The following ACAN variants were observed in gnomAD, a reference collection of about 807,000 sequenced individuals.
The protein encoded by ACAN is aggrecan.
Under a neutral mutation model 169.1 loss-of-function variants are expected in ACAN, and 47 were observed. That is an observed-to-expected ratio of 0.28 (90% CI 0.22 to 0.35). ACAN has a LOEUF of 0.35. Ranked by LOEUF, ACAN falls within the 10% of genes least tolerant of loss-of-function variation. The pLI is 1.00. For synonymous variants in ACAN, 1,115 were observed against 1,112.2 expected (o/e 1.00, Z -0.05); for missense variants, 2,716 against 2,759.9 (o/e 0.98, Z 0.36).
At chr15:88,815,036 A>G (rs1014521374) in intron 1 of ACAN, among the ~76,000 whole-genome samples, 12 of 152,156 alleles carry the variant, frequency 7.9e-5, no homozygotes, top group African/African-American at 2.9e-4. Context: ...CCCAGAAAAA[A>G]AAAAAAAAAG....
chr15:88,836,110 A>C, intron 1 of ACAN, 90 bp from the exon 2 acceptor site: 1 of 892,236 alleles, frequency 1.1e-6, no homozygotes, highest in Non-Finnish European at 1.8e-6. Flanking sequence ...TGGGTGTGGA[A>C]TTATCACTTT....
At chr15:88,821,357 G>A (rs891465619) in intron 1 of ACAN, among the ~76,000 whole-genome samples, 1 of 152,126 alleles carries the variant, frequency 6.6e-6, no homozygotes, top group Non-Finnish European at 1.5e-5. Context: ...GTCTCCCTAA[G>A]TTGTCGGGGA....
Position 88,838,576 on chromosome 15 carries a change from T to C in ACAN, c.71-87T>C, listed in dbSNP as rs1596130444. 2 of 1,426,964 alleles carry C rather than the reference T, an allele frequency of 1.4e-6. No homozygotes were observed. The highest frequency in any genetic ancestry group is 4.6e-5 in the East Asian group (2 of 43,546). 88.4% of individuals were successfully genotyped at this position (1,426,964 alleles called of 1,614,324 possible). A position where few individuals can be genotyped will look rare whatever the true frequency, so the allele number is the denominator to read the frequency against. ...ATCGGATTTCGCTCTCTCAGGAGAG[T>C]GCATTGCTGGAAGGATGGATGGGGA... On this transcript the variant is annotated intron_variant, in intron 2 of 18. Transcript: ENST00000560601. The surrounding 1 kb of genome is among the most constrained non-coding windows in gnomAD (Gnocchi z 5.1).
rs1421590411 is a variant in ACAN, at chr15:88,858,398, A to T, written c.5813A>T (p.Asp1938Val). 2 of 1,613,762 alleles carry T rather than the reference A, an allele frequency of 1.2e-6. No homozygotes were observed. The highest frequency in any genetic ancestry group is 1.7e-6 in the Non-Finnish European group (2 of 1,179,872). The change falls in exon 12 of 19, where the codon GAC becomes GTC. Residue 1938 changes from aspartate to valine, a missense_variant. Asp to Val is a radical substitution (Grantham distance 152). This residue lies in a region of ACAN where 1,389 missense variants were observed against 1,363.7 expected (regional missense o/e 1.02). Transcript: ENST00000560601. This position sits in a 1 kb window ranked among gnomAD's most constrained non-coding sequence, Gnocchi z 4.0. ...PSSFPTVSLVDRTLVESVTQA... is the reference protein window; with the variant it reads ...PSSFPTVSLVVRTLVESVTQA... ...AGTTTCCCCACTGTCTCTCTTGTAG[A>T]CAGAACTTTGGTGGAATCTGTAACC...
rs896720166 is a variant in ACAN, at chr15:88,849,069, G to A, written c.1733-369G>A. On this transcript the variant is annotated intron_variant, in intron 9 of 18. Transcript: ENST00000560601. The surrounding 1 kb of genome is among the most constrained non-coding windows in gnomAD (Gnocchi z 5.1). ...TAGGGGTGCAAAGGGATTGGAGGGG[G>A]CCCAGGCGAGCTGCCTCGCTTAGCC... Among the ~76,000 whole-genome samples the A allele has an allele frequency of 2.0e-5, 3 of 152,328 alleles. No homozygotes were observed. The South Asian group carries it at 6.2e-4, about 32-fold the overall frequency.
rs1457280159 is a variant in ACAN, at chr15:88,857,597, C to G, written c.5012C>G (p.Thr1671Arg). ...GATTCTACATTGGTGGAAGTGGTCA[C>G]AGCCTCCACTGCAAGTGAACTGGAA... is the stretch of plus-strand genomic sequence containing the variant. ...LVDSTLVEVV[T>R]ASTASELEGR... Residue 1671 changes from threonine (T) to arginine (R), a missense_variant, in exon 12 of 19, where the codon ACA becomes AGA. Physicochemically the swap from Thr to Arg is moderately conservative, Grantham distance 71. Around this residue, in one of 3 missense-constraint regions of ACAN, gnomAD observed 1,389 missense variants for 1,363.7 expected, o/e 1.02. Transcript: ENST00000560601. The G allele has an allele frequency of 2.5e-6, 4 of 1,613,934 alleles. No homozygotes were observed. Among genetic ancestry groups the G allele is most frequent in the Non-Finnish European group, 3.4e-6 (4 of 1,179,900 alleles).
intron 8 of ACAN, 81 bp downstream of exon 8, chr15:88,847,498 C>A (rs1896825280): frequency 7.1e-7 from 1 of 1,411,088 alleles, no homozygotes; most frequent in Non-Finnish European, 9.4e-7. Flanking sequence ...CCGCCCCCAG[C>A]ACACTGAGCA....
Position 88,814,890 on chromosome 15 carries a change from C to G in ACAN, c.-8+11081C>G, listed in dbSNP as rs1224641076. On this transcript the variant is annotated intron_variant, in intron 1 of 18. Coordinates refer to ENST00000560601, the MANE Select transcript of ACAN (RefSeq NM_001369268.1). This position sits in a 1 kb window ranked among gnomAD's most constrained non-coding sequence, Gnocchi z 4.0. Reference sequence around the variant, plus strand: ...GAACTCTGCCTCCATCCCCTGTCCTCCTCTCCTGGGACTAGGGAGTGGGGA... The same window carrying G: ...GAACTCTGCCTCCATCCCCTGTCCTGCTCTCCTGGGACTAGGGAGTGGGGA... Among the ~76,000 whole-genome samples, 1 of 152,148 alleles carries G rather than the reference C, an allele frequency of 6.6e-6. No homozygotes were observed. Among genetic ancestry groups the G allele is most frequent in the African/African-American group, 2.4e-5 (1 of 41,416 alleles).
At chr15:88,823,218 A>C (rs1252408941) in intron 1 of ACAN, among the ~76,000 whole-genome samples, 1 of 152,218 alleles carries the variant, frequency 6.6e-6, no homozygotes, top group African/African-American at 2.4e-5. Context: ...TCTTGGCCCA[A>C]GATCCCTGCC....
At chr15:88,811,342 C>G (rs974897796) in intron 1 of ACAN, among the ~76,000 whole-genome samples, 2 of 152,158 alleles carry the variant, frequency 1.3e-5, no homozygotes, top group Admixed American at 6.5e-5. Context: ...AATCTAGGCA[C>G]GGGCCCAGGT....
At position 88,839,493 on chromosome 15, in the gene ACAN, C is replaced by G. The variant is rs1896594133; in HGVS notation, c.454+447C>G. On this transcript the variant is annotated intron_variant, in intron 3 of 18. Coordinates refer to ENST00000560601, the MANE Select transcript of ACAN (RefSeq NM_001369268.1). The surrounding 1 kb of genome is among the most constrained non-coding windows in gnomAD (Gnocchi z 4.5). The stretch of plus-strand genomic sequence containing the variant: ...GGGCTGAAGACTCCCTGGTCTCTTT[C>G]TCTCCATGGCCCAAGGAGAACAGTC... 6.6e-6 allele frequency among the ~76,000 whole-genome samples: 1 copy of G among 152,246 alleles called. No individual in the cohort carries two copies. The highest frequency in any genetic ancestry group is 2.4e-5 in the African/African-American group (1 of 41,464).
chr15:88,857,861 C>A lies in ACAN; in HGVS notation c.5276C>A (p.Ser1759Tyr). 3.1e-6 allele frequency: 5 copies of A among 1,613,760 alleles called. No individual in the cohort carries two copies. Among genetic ancestry groups the A allele is most frequent in the Non-Finnish European group, 4.2e-6 (5 of 1,179,812 alleles). Residue 1759 changes from serine (S) to tyrosine (Y), a missense_variant, in exon 12 of 19, where the codon TCC (serine) becomes TAC (tyrosine). Physicochemically the swap from Ser to Tyr is moderately radical, Grantham distance 144. Transcript: ENST00000560601. ...GGAGTGACTGAGCTTAGCGGGCTGT[C>A]CTCTGGACAACCAGGTATTAGTGGA... The part of the protein sequence containing the change: ...TSGVTELSGL[S>Y]SGQPGISGEA...
At position 88,814,257 on chromosome 15, in the gene ACAN, C is replaced by T. The variant is rs1317113953; in HGVS notation, c.-8+10448C>T. 6.6e-6 allele frequency among the ~76,000 whole-genome samples: 1 copy of T among 152,208 alleles called. No individual in the cohort carries two copies. Among genetic ancestry groups the T allele is most frequent in the Non-Finnish European group, 1.5e-5 (1 of 68,040 alleles). On this transcript the variant is annotated intron_variant, in intron 1 of 18. Coordinates refer to ENST00000560601, the MANE Select transcript of ACAN (RefSeq NM_001369268.1). The surrounding 1 kb of genome is among the most constrained non-coding windows in gnomAD (Gnocchi z 4.0). The stretch of plus-strand genomic sequence containing the variant: ...AAAATGAGATAATATAGCTAAACCA[C>T]AGTACCTCCCACAGAGCAAGGGCTC...
chr15:88,872,834 C>G lies in ACAN; in HGVS notation c.7303-47C>G. On this transcript the variant is annotated intron_variant, in intron 16 of 18. Coordinates refer to ENST00000560601, the MANE Select transcript of ACAN (RefSeq NM_001369268.1). The surrounding 1 kb of genome is among the most constrained non-coding windows in gnomAD (Gnocchi z 5.4). ...GGAAGACAGTCGGAGCAGGCCAACC[C>G]GCACTGTCCTGCCCTCTCCTTACTC... 6.2e-7 allele frequency: 1 copy of G among 1,604,990 alleles called. No individual in the cohort carries two copies. The highest frequency in any genetic ancestry group is 1.3e-5 in the African/African-American group (1 of 74,844).
At chr15:88,863,434 T>G (rs1370172209) in intron 13 of ACAN, among the ~76,000 whole-genome samples, 1 of 152,210 alleles carries the variant, frequency 6.6e-6, no homozygotes, top group Non-Finnish European at 1.5e-5. Flanking sequence ...TCAATTGGTC[T>G]AAAGAGGAAC....
chr15:88,849,495 T>C lies in ACAN; in HGVS notation c.1790T>C (p.Phe597Ser). 2 of 1,607,830 alleles carry C rather than the reference T, an allele frequency of 1.2e-6. No homozygotes were observed. Among genetic ancestry groups the C allele is most frequent in the South Asian group, 2.2e-5 (2 of 90,350 alleles). ...TTCACCTTCCAGGAAGCACTGGAGTTCTGTGAATCTCACAATGCTACGCTG... is the reference window on the plus strand; with the variant it reads ...TTCACCTTCCAGGAAGCACTGGAGTCCTGTGAATCTCACAATGCTACGCTG... Reference protein sequence around the residue: ...EQFTFQEALEFCESHNATLAT... With the variant: ...EQFTFQEALESCESHNATLAT... Residue 597 changes from phenylalanine to serine, a missense_variant, in exon 10 of 19, where the codon TTC (phenylalanine) becomes TCC (serine). By Grantham distance (155) the Phe-to-Ser change is radical. Coordinates refer to ENST00000560601, the MANE Select transcript of ACAN (RefSeq NM_001369268.1). The surrounding 1 kb of genome is among the most constrained non-coding windows in gnomAD (Gnocchi z 5.1).
rs546852740 is a variant in ACAN at position 88,818,444 on chromosome 15, C to G, written c.-8+14635C>G. 8.5e-5 allele frequency among the ~76,000 whole-genome samples: 13 copies of G among 152,316 alleles called. 1 individual carries two copies. The South Asian group carries it at 2.7e-3, about 32-fold the overall frequency. On this transcript the variant is annotated intron_variant, in intron 1 of 18. Transcript: ENST00000560601. Reference sequence around the variant, plus strand: ...GGTTCTCCTCCTGGTAGGTGTGTGTCCTCAGTGAGCCAGAGACAAGAGACC... The same window carrying G: ...GGTTCTCCTCCTGGTAGGTGTGTGTGCTCAGTGAGCCAGAGACAAGAGACC...
rs1896709857 is a variant in ACAN at position 88,843,287 on chromosome 15, C to G, written c.758-68C>G. On this transcript the variant is annotated intron_variant, in intron 5 of 18. Coordinates refer to ENST00000560601, the MANE Select transcript of ACAN (RefSeq NM_001369268.1). This position sits in a 1 kb window ranked among gnomAD's most constrained non-coding sequence, Gnocchi z 4.0. ...CAAGACCTCGTGGAAAAGTGTGGAT[C>G]TCTCTGGGGATGCAGAGCAGGGGGA... is the stretch of plus-strand genomic sequence containing the variant. The G allele has an allele frequency of 2.1e-6, 3 of 1,396,208 alleles. No homozygotes were observed. The East Asian group carries it at 7.5e-5, about 35-fold the overall frequency. The allele number at this position is 1,396,208 out of a possible 1,614,324, so 86.5% of individuals were successfully genotyped here. A position where few individuals can be genotyped will look rare whatever the true frequency, so the allele number is the denominator to read the frequency against.
intron 1 of ACAN, among the ~76,000 whole-genome samples, chr15:88,829,083 C>G (rs1896295711): frequency 6.6e-6 from 1 of 151,468 alleles, no homozygotes. Context: ...GACCTACACA[C>G]TTGCCCGGAA....
Sources: gnomAD v4.1 joint callset for allele counts (sites outside exome capture counted in the v4.1 genomes callset) on GRCh38, gnomAD v4.1.1 for gene constraint, gnomAD v4.1.1 regional missense constraint, Gnocchi (gnomAD v3.1) non-coding constraint, MANE v1.5 for transcripts, NCBI Gene and HGNC (gene_info 2026-07-23, HGNC 2026-07-21) for gene names.